The following DAB1 variants were observed in gnomAD, a reference collection of about 807,000 sequenced individuals.
The protein encoded by DAB1 is disabled homolog 1.
DAB1 carries 15 observed loss-of-function variants against 64.6 expected under a neutral mutation model. The observed-to-expected ratio is 0.23, with a 90% CI of 0.16 to 0.36. The LOEUF is 0.36. Ranked by LOEUF, DAB1 falls within the 10% of genes least tolerant of loss-of-function variation. DAB1 has a pLI of 1.00. For synonymous variants in DAB1, 235 were observed against 251.9 expected (o/e 0.93, Z 0.64); for missense variants, 596 against 706.7 (o/e 0.84, Z 1.78).
chr1:58,206,189 A>G (rs1658271020), intron 4 of DAB1, among the ~76,000 whole-genome samples: 1 of 152,172 alleles, frequency 6.6e-6, no homozygotes, highest in African/African-American at 2.4e-5. Context: ...CAACCAATAC[A>G]TGTAAGATAT....
At chr1:58,135,469 T>A (rs1043557634) in intron 5 of DAB1, among the ~76,000 whole-genome samples, 1 of 152,116 alleles carries the variant, frequency 6.6e-6, no homozygotes, top group African/African-American at 2.4e-5. Context: ...ACAGGAACTT[T>A]TTTTTATTTT....
Position 57,184,352 on chromosome 1 carries a change from C to T in DAB1, c.68-38923G>A, listed in dbSNP as rs186759257. ...GGGAGAGAAAGCAGATTAGTGGTTACGCTGCATCCGTTCTTGCCCTTCTCA... is the reference window on the plus strand; with the variant it reads ...GGGAGAGAAAGCAGATTAGTGGTTATGCTGCATCCGTTCTTGCCCTTCTCA... On this transcript the variant is annotated intron_variant, in intron 2 of 14. Coordinates refer to ENST00000371236, the MANE Select transcript of DAB1 (RefSeq NM_001365792.1). Among the ~76,000 whole-genome samples the T allele has an allele frequency of 4.6e-5, 7 of 152,286 alleles. No homozygotes were observed. The East Asian group carries it at 5.8e-4, about 13-fold the overall frequency.
intron 1 of DAB1, among the ~76,000 whole-genome samples, chr1:57,831,946 A>C (rs1652607716): frequency 6.6e-6 from 1 of 152,220 alleles, no homozygotes; most frequent in South Asian, 2.1e-4. Flanking sequence ...ACACACAGAC[A>C]TGGCTCTTCC....
At chr1:57,984,184 AAAAGAAAGAAAGAAAG>A (rs557402048) in intron 5 of DAB1, among the ~76,000 whole-genome samples, 896 of 50,664 alleles carry the variant, frequency 0.018, 26 homozygotes, top group African/African-American at 0.026. Context: ...TAGCTTAAAA[AAAAGAAAGAAAGAAAG>A]AAAGAAAGAA....
At chr1:57,381,949 GA>G (rs1398654504) in intron 1 of DAB1, among the ~76,000 whole-genome samples, 1 of 152,156 alleles carries the variant, frequency 6.6e-6, no homozygotes, top group Non-Finnish European at 1.5e-5. Flanking sequence ...TCCAGATGCT[GA>G]AGACAGATGT....
At chr1:58,466,993 G>C (rs1217708678) in intron 3 of DAB1, among the ~76,000 whole-genome samples, 1 of 152,190 alleles carries the variant, frequency 6.6e-6, no homozygotes, top group Non-Finnish European at 1.5e-5. Flanking sequence ...CAGCAGATCT[G>C]CGGCTTGCCT....
chr1:57,198,689 ACC>A (rs1553155121), intron 2 of DAB1, among the ~76,000 whole-genome samples: 2 of 148,122 alleles, frequency 1.4e-5, no homozygotes, highest in Admixed American at 6.8e-5. Flanking sequence ...ACACACACAC[ACC>A]CATCAACTTT....
intron 6 of DAB1, among the ~76,000 whole-genome samples, chr1:57,783,099 C>T (rs868246650): frequency 3.2e-3 from 257 of 81,464 alleles, no homozygotes; most frequent in African/African-American, 8.5e-3. Context: ...CTCTCTCTCT[C>T]TCTTTTCTTT....
chr1:57,309,436 A>G (rs1674482791), intron 1 of DAB1, among the ~76,000 whole-genome samples: 1 of 152,246 alleles, frequency 6.6e-6, no homozygotes, highest in South Asian at 2.1e-4. Context: ...CATTTCAAAA[A>G]GCATAAAAGT....
intron 4 of DAB1, among the ~76,000 whole-genome samples, chr1:58,342,402 G>T (rs1488244859): frequency 1.3e-5 from 2 of 152,172 alleles, no homozygotes; most frequent in African/African-American, 4.8e-5. Flanking sequence ...AATAGGCAAT[G>T]CCCGTGGGCT....
At chr1:57,229,969 A>C (rs1454716559) in intron 2 of DAB1, among the ~76,000 whole-genome samples, 2 of 152,222 alleles carry the variant, frequency 1.3e-5, no homozygotes, top group Admixed American at 6.5e-5. Context: ...AGAGTAATGG[A>C]GTTCTCAGCT....
At chr1:57,641,063 C>T (rs1291018438) in intron 7 of DAB1, among the ~76,000 whole-genome samples, 1 of 152,138 alleles carries the variant, frequency 6.6e-6, no homozygotes, top group East Asian at 1.9e-4. Context: ...TCACTCCTGG[C>T]ATTAGTGAGT....
intron 4 of DAB1, among the ~76,000 whole-genome samples, chr1:57,073,076 C>T (rs1651659309): frequency 6.6e-6 from 1 of 152,154 alleles, no homozygotes; most frequent in Non-Finnish European, 1.5e-5. Context: ...TGAAATAGTA[C>T]CACCTGAGTG....
intron 1 of DAB1, among the ~76,000 whole-genome samples, chr1:57,364,144 G>C (rs1056276122): frequency 1.1e-4 from 16 of 152,128 alleles, no homozygotes; most frequent in Admixed American, 3.9e-4. Context: ...GTTTATCACA[G>C]GTTCATGGCC....
intron 6 of DAB1, among the ~76,000 whole-genome samples, chr1:57,805,747 G>T (rs1401399175): frequency 6.6e-6 from 1 of 152,058 alleles, no homozygotes; most frequent in African/African-American, 2.4e-5. Context: ...TAAACCTGGA[G>T]CTTATGGCAA....
Position 56,997,128 on chromosome 1 carries a change from T to G in DAB1, c.*1016A>C, listed in dbSNP as rs1205340524. 1 of 152,208 alleles carries G rather than the reference T, an allele frequency of 6.6e-6. No individual in the cohort carries two copies. The highest frequency in any genetic ancestry group is 1.9e-4 in the East Asian group (1 of 5,194). 9.4% of individuals were successfully genotyped at this position (152,208 alleles called of 1,614,324 possible). On this transcript the variant is annotated 3_prime_UTR_variant, in exon 15 of 15. Transcript: ENST00000371236. ...AGATCCAAAACCACATTACCAGAAT[T>G]GTACCAGAATTATTTGGCAAATGAC...
intron 6 of DAB1, among the ~76,000 whole-genome samples, chr1:57,689,499 G>A (rs1463715465): frequency 3.3e-5 from 5 of 152,292 alleles, no homozygotes; most frequent in East Asian, 3.9e-4. Flanking sequence ...TTCCCTCTCC[G>A]AGTGATACAA....
At chr1:58,119,933 C>A (rs181633137) in intron 5 of DAB1, among the ~76,000 whole-genome samples, 4 of 152,290 alleles carry the variant, frequency 2.6e-5, no homozygotes, top group Non-Finnish European at 5.9e-5. Flanking sequence ...CTGTGCAGAT[C>A]AAGCCTCTGC....
chr1:57,968,480 A>G (rs1187683402), intron 5 of DAB1, among the ~76,000 whole-genome samples: 1 of 152,166 alleles, frequency 6.6e-6, no homozygotes, highest in Non-Finnish European at 1.5e-5. Context: ...TTTAAAAAAC[A>G]AACCTCTGTC....
Sources: allele counts gnomAD v4.1 joint callset (sites outside exome capture counted in the v4.1 genomes callset), GRCh38; gene constraint gnomAD v4.1.1; transcripts MANE v1.5; gene names NCBI Gene and HGNC (gene_info 2026-07-23, HGNC 2026-07-21).